CTNNA2: variants seen among roughly 807,000 people sequenced by gnomAD.
CTNNA2 encodes the protein catenin alpha 2.
A neutral mutation model predicts 101.0 loss-of-function variants in CTNNA2; 42 were observed. That is an observed-to-expected ratio of 0.42 (90% CI 0.32 to 0.54). The LOEUF is 0.54. Among genes scored for constraint, CTNNA2 ranks in the 20% least tolerant of loss-of-function variants. CTNNA2 has a pLI of 0.14. For synonymous variants in CTNNA2, 450 were observed against 456.4 expected, an observed-to-expected ratio of 0.99 and a Z score of 0.18; for missense variants, 871 against 1,223.1, an observed-to-expected ratio of 0.71 and a Z score of 4.29.
At chr2:79,828,159 CTTTGCA>C (rs1678587793) in intron 3 of CTNNA2, among the ~76,000 whole-genome samples, 1 of 152,060 alleles carries the variant, frequency 6.6e-6, no homozygotes, top group Admixed American at 6.5e-5. Context: ...TGTTAAAGAT[CTTTGCA>C]TTTGATAATT....
chr2:79,266,590 A>G (rs568782501), intron 2 of CTNNA2, among the ~76,000 whole-genome samples: 61 of 152,236 alleles, frequency 4.0e-4, no homozygotes, highest in African/African-American at 1.3e-3. Context: ...TCAGAATGCT[A>G]TCTTGAAATG....
intron 7 of CTNNA2, among the ~76,000 whole-genome samples, chr2:80,248,448 C>T (rs2149102068): frequency 6.6e-6 from 1 of 152,292 alleles, no homozygotes; most frequent in African/African-American, 2.4e-5. Context: ...TGTGCTTTGG[C>T]TGTAACATCT....
At chr2:79,425,215 T>G (rs1280365390) in intron 4 of CTNNA2, among the ~76,000 whole-genome samples, 1 of 152,158 alleles carries the variant, frequency 6.6e-6, no homozygotes, top group African/African-American at 2.4e-5. Context: ...TGATTAGCAG[T>G]GGATGATTCA....
At chr2:80,074,741 C>A (rs1161278640) in intron 7 of CTNNA2, among the ~76,000 whole-genome samples, 2 of 152,170 alleles carry the variant, frequency 1.3e-5, no homozygotes, top group South Asian at 4.1e-4. Context: ...CTATGCCAGA[C>A]AACTTACAAA....
chr2:80,591,914 A>C (rs1696547950), intron 15 of CTNNA2, among the ~76,000 whole-genome samples: 1 of 152,144 alleles, frequency 6.6e-6, no homozygotes, highest in Non-Finnish European at 1.5e-5. Flanking sequence ...TTTCCCACTC[A>C]GTTCTTGACT....
chr2:80,302,296 G>C lies in CTNNA2; in HGVS notation c.1057-90915G>C. On this transcript the variant is annotated intron_variant, in intron 7 of 18. Transcript: ENST00000402739. This position sits in a 1 kb window ranked among gnomAD's most constrained non-coding sequence, Gnocchi z 6.4. The stretch of plus-strand genomic sequence containing the variant: ...CGGGCTGCTGGTGGCAGGTACACGA[G>C]CCATACTCGTTGATGATCACCAGGG... 1 of 1,614,188 alleles carries C rather than the reference G, an allele frequency of 6.2e-7. No individual in the cohort carries two copies. The highest frequency in any genetic ancestry group is 8.5e-7 in the Non-Finnish European group (1 of 1,180,034).
At chr2:79,995,129 G>A (rs898952900) in intron 7 of CTNNA2, among the ~76,000 whole-genome samples, 1 of 152,186 alleles carries the variant, frequency 6.6e-6, no homozygotes, top group African/African-American at 2.4e-5. Flanking sequence ...TCTGGAGGCT[G>A]AGTCAGTTCT....
intron 7 of CTNNA2, among the ~76,000 whole-genome samples, chr2:80,177,174 C>T (rs747247151): frequency 2.0e-5 from 3 of 152,166 alleles, no homozygotes; most frequent in Non-Finnish European, 4.4e-5. Flanking sequence ...AAGCCCACTG[C>T]TGCACTTCTT....
At chr2:80,647,396 T>C (rs1346076537) in intron 18 of CTNNA2, among the ~76,000 whole-genome samples, 189 bp from the exon 19 acceptor site, 1 of 152,154 alleles carries the variant, frequency 6.6e-6, no homozygotes, top group African/African-American at 2.4e-5. Flanking sequence ...TCCTACCTGC[T>C]AAGATGAGGG....
At chr2:80,329,167 G>A (rs1671091244) in intron 7 of CTNNA2, among the ~76,000 whole-genome samples, 2 of 152,202 alleles carry the variant, frequency 1.3e-5, no homozygotes, top group African/African-American at 4.8e-5. Context: ...ATGTGAAGCA[G>A]GTATCAGCTG....
At chr2:79,644,602 C>A (rs529767564) in intron 1 of CTNNA2, among the ~76,000 whole-genome samples, 2 of 152,146 alleles carry the variant, frequency 1.3e-5, no homozygotes, top group African/African-American at 4.8e-5. Context: ...GCTGGCCCAG[C>A]TTTACAGCCA....
intron 7 of CTNNA2, among the ~76,000 whole-genome samples, chr2:80,254,211 C>T (rs1048322404): frequency 6.6e-6 from 1 of 151,954 alleles, no homozygotes; most frequent in Non-Finnish European, 1.5e-5. Context: ...AAGTTTTTTT[C>T]TTAACCTGTT....
chr2:79,519,515 TA>T, intron 1 of CTNNA2, among the ~76,000 whole-genome samples: 1 of 152,284 alleles, frequency 6.6e-6, no homozygotes, highest in South Asian at 2.1e-4. Flanking sequence ...CTCCAACACT[TA>T]TTTATTTTAT....
At chr2:80,396,301 G>T (rs778521164) in intron 8 of CTNNA2, among the ~76,000 whole-genome samples, 3 of 152,156 alleles carry the variant, frequency 2.0e-5, no homozygotes, top group Non-Finnish European at 4.4e-5. Context: ...ATGACAGGGG[G>T]CAGTGGTAGA....
At chr2:79,754,494 A>G (rs146708457) in intron 3 of CTNNA2, among the ~76,000 whole-genome samples, 80 of 152,134 alleles carry the variant, frequency 5.3e-4, no homozygotes, top group African/African-American at 1.7e-3. Context: ...CTCCTCCTTC[A>G]TTTGCCCTAT....
At chr2:79,292,664 C>A (rs1675855964) in intron 2 of CTNNA2, among the ~76,000 whole-genome samples, 2 of 152,042 alleles carry the variant, frequency 1.3e-5, no homozygotes, top group Admixed American at 6.6e-5. Flanking sequence ...AGGCACACAA[C>A]AAATGAACAA....
chr2:79,470,062 T>C (rs1238926114), intron 4 of CTNNA2, among the ~76,000 whole-genome samples: 4 of 152,184 alleles, frequency 2.6e-5, no homozygotes, highest in Non-Finnish European at 4.4e-5. Context: ...ATAAAGGGTA[T>C]TCAATTAGGA....
At chr2:79,631,006 C>T (rs888813675) in intron 1 of CTNNA2, among the ~76,000 whole-genome samples, 6 of 151,632 alleles carry the variant, frequency 4.0e-5, no homozygotes, top group African/African-American at 1.5e-4. Context: ...TGAAGTCTAT[C>T]TTCCTGAGTT....
intron 9 of CTNNA2, among the ~76,000 whole-genome samples, chr2:80,537,519 G>T (rs1445191562): frequency 1.3e-5 from 2 of 151,822 alleles, no homozygotes; most frequent in Non-Finnish European, 2.9e-5. Context: ...CACAATGGTT[G>T]AACTAATTAC....
Sources: gnomAD v4.1 joint callset for allele counts (sites outside exome capture counted in the v4.1 genomes callset) on GRCh38, gnomAD v4.1.1 for gene constraint, Gnocchi (gnomAD v3.1) non-coding constraint, MANE v1.5 for transcripts, NCBI Gene and HGNC (gene_info 2026-07-23, HGNC 2026-07-21) for gene names.